Variants in FAF1 observed in about 807,000 individuals in gnomAD.
FAF1 encodes the protein Fas associated factor 1, also known as FAS-associated factor 1.
Under a neutral mutation model 92.5 loss-of-function variants are expected in FAF1, and 25 were observed. The ratio of observed to expected loss-of-function variants is 0.27; its 90% CI spans 0.20 to 0.38. FAF1 has a LOEUF of 0.38. Among genes scored for constraint, FAF1 ranks in the 10% least tolerant of loss-of-function variants. FAF1 has a pLI of 1.00. For missense variants in FAF1, 636 were observed against 793.3 expected (o/e 0.80, Z 2.38); for synonymous variants, 234 against 273.2 (o/e 0.86, Z 1.42).
intron 6 of FAF1, among the ~76,000 whole-genome samples, chr1:50,724,292 C>CAT (rs1553132393): frequency 9.4e-4 from 115 of 122,636 alleles, no homozygotes; most frequent in Admixed American, 2.7e-3. Flanking sequence ...CACACACACA[C>CAT]ACATACACAC....
chr1:50,567,060 G>A lies in FAF1; in HGVS notation c.1268+17C>T. On this transcript the variant is annotated intron_variant, in intron 13 of 18. Transcript: ENST00000396153. ...TTAATAGAAGCCCAACTTGTAACTT[G>A]TGAACAACAGTATTACCTTGCTCTG... 2 of 1,514,888 alleles carry A rather than the reference G, an allele frequency of 1.3e-6. No individual in the cohort carries two copies. The highest frequency in any genetic ancestry group is 1.8e-6 in the Non-Finnish European group (2 of 1,128,450). The allele number at this position is 1,514,888 out of a possible 1,614,324, so 93.8% of individuals were successfully genotyped here. A position where few individuals can be genotyped will look rare whatever the true frequency, so the allele number is the denominator to read the frequency against.
chr1:50,876,527 C>T (rs141063867), intron 1 of FAF1, among the ~76,000 whole-genome samples: 14 of 152,248 alleles, frequency 9.2e-5, no homozygotes, highest in African/African-American at 2.6e-4. Flanking sequence ...CAAACGAATA[C>T]GTCAAAGGGA....
intron 4 of FAF1, among the ~76,000 whole-genome samples, chr1:50,772,802 C>G (rs1660820118): frequency 6.6e-6 from 1 of 152,156 alleles, no homozygotes; most frequent in African/African-American, 2.4e-5. Flanking sequence ...ACCCCAGTGA[C>G]ACACAATTTA....
chr1:50,834,647 A>C lies in FAF1; in HGVS notation c.114+23282T>G, dbSNP rs191617186. Among the ~76,000 whole-genome samples, 7 of 152,332 alleles carry C rather than the reference A, an allele frequency of 4.6e-5. No homozygotes were observed. In the East Asian group the frequency reaches 1.2e-3, roughly 25 times the overall value. ...TACTCAGGATGAACAAAGCAAATAA[A>C]TATAAAAGTCACAACAACCTCTATG... On this transcript the variant is annotated intron_variant, in intron 2 of 18. Transcript: ENST00000396153.
intron 4 of FAF1, among the ~76,000 whole-genome samples, chr1:50,754,488 G>A (rs979864515): frequency 1.5e-4 from 23 of 152,256 alleles, no homozygotes; most frequent in Middle Eastern, 3.4e-3. Flanking sequence ...GTGGTTTTTA[G>A]TTGTAATAGG....
At chr1:50,757,733 C>T (rs1660136060) in intron 4 of FAF1, among the ~76,000 whole-genome samples, 1 of 152,030 alleles carries the variant, frequency 6.6e-6, no homozygotes, top group Non-Finnish European at 1.5e-5. Context: ...AACATGAGAT[C>T]ATTTATATGT....
At chr1:50,584,355 G>A (rs1182555282) in intron 10 of FAF1, among the ~76,000 whole-genome samples, 1 of 152,022 alleles carries the variant, frequency 6.6e-6, no homozygotes, top group South Asian at 2.1e-4. Context: ...ATAAGATGTG[G>A]GGAAACAAGT....
chr1:50,767,529 C>T (rs1039486891), intron 4 of FAF1, among the ~76,000 whole-genome samples: 8 of 151,714 alleles, frequency 5.3e-5, no homozygotes, highest in Non-Finnish European at 7.4e-5. Flanking sequence ...TCTTAAAGGT[C>T]GAAATAAAAG....
intron 2 of FAF1, among the ~76,000 whole-genome samples, chr1:50,802,049 T>C (rs2124593363): frequency 6.6e-6 from 1 of 152,208 alleles, no homozygotes; most frequent in South Asian, 2.1e-4. Flanking sequence ...AAGAGCAAGA[T>C]GTAAAATCAC....
chr1:50,729,282 C>T (rs995969542), intron 6 of FAF1, among the ~76,000 whole-genome samples: 16 of 151,184 alleles, frequency 1.1e-4, no homozygotes, highest in African/African-American at 2.2e-4. Context: ...CTCAAACTCC[C>T]GACCTCAGGT....
intron 7 of FAF1, among the ~76,000 whole-genome samples, chr1:50,670,147 A>G (rs1655808593): frequency 6.6e-6 from 1 of 151,290 alleles, no homozygotes; most frequent in South Asian, 2.1e-4. Context: ...AAAAAAAAAA[A>G]TTAAACTTTA....
chr1:50,501,097 T>C (rs1228156443), intron 15 of FAF1, among the ~76,000 whole-genome samples: 1 of 152,170 alleles, frequency 6.6e-6, no homozygotes, highest in Non-Finnish European at 1.5e-5. Context: ...AAGAAAGTCA[T>C]AGTGACAAAA....
intron 15 of FAF1, among the ~76,000 whole-genome samples, chr1:50,494,889 C>T (rs1646880690): frequency 1.3e-5 from 2 of 151,946 alleles, no homozygotes; most frequent in African/African-American, 4.8e-5. Context: ...AGTCTAGTAA[C>T]TTTTATTTAA....
intron 8 of FAF1, among the ~76,000 whole-genome samples, chr1:50,605,565 CTTT>C: frequency 6.8e-6 from 1 of 146,002 alleles, no homozygotes; most frequent in African/African-American, 2.5e-5. Context: ...TCAAAGTCAA[CTTT>C]TTTTTTTTTT....
At chr1:50,757,362 G>T (rs936814847) in intron 4 of FAF1, among the ~76,000 whole-genome samples, 2 of 152,126 alleles carry the variant, frequency 1.3e-5, no homozygotes, top group Non-Finnish European at 2.9e-5. Flanking sequence ...CTTCAGTTCT[G>T]TCAGTTTGGA....
intron 2 of FAF1, among the ~76,000 whole-genome samples, chr1:50,805,041 TTAA>T (rs1557536071): frequency 6.6e-6 from 1 of 152,220 alleles, no homozygotes. Context: ...ATCTCATTGC[TTAA>T]TATTATTTTT....
chr1:50,455,929 C>T (rs978033673), intron 18 of FAF1, among the ~76,000 whole-genome samples: 3 of 151,936 alleles, frequency 2.0e-5, no homozygotes, highest in African/African-American at 4.8e-5. Context: ...ATAAATTAGC[C>T]GGGCAGTAGA....
At chr1:50,530,802 GAAC>G (rs949633172) in intron 15 of FAF1, among the ~76,000 whole-genome samples, 3 of 151,850 alleles carry the variant, frequency 2.0e-5, no homozygotes, top group African/African-American at 7.3e-5. Flanking sequence ...CAACCAACAA[GAAC>G]AACAACAACA....
chr1:50,683,822 C>T (rs1013668129), intron 7 of FAF1, among the ~76,000 whole-genome samples: 2 of 151,600 alleles, frequency 1.3e-5, no homozygotes, highest in Non-Finnish European at 2.9e-5. Flanking sequence ...ATTCCAGCTA[C>T]TCGGGAGGCT....
Sources: gnomAD v4.1 joint callset for allele counts (sites outside exome capture counted in the v4.1 genomes callset) on GRCh38, gnomAD v4.1.1 for gene constraint, MANE v1.5 for transcripts, NCBI Gene and HGNC (gene_info 2026-07-23, HGNC 2026-07-21) for gene names.